RAB3IP: variants seen among roughly 807,000 people sequenced by gnomAD.
The protein encoded by RAB3IP is rab-3A-interacting protein.
Under a neutral mutation model 59.1 loss-of-function variants are expected in RAB3IP, and 36 were observed. That is an observed-to-expected ratio of 0.61 (90% CI 0.47 to 0.80). The LOEUF is 0.80. RAB3IP is among the 30% of genes least tolerant of loss of function. The probability of loss-of-function intolerance (pLI) is 0.00; values close to 1 mark genes in which losing one functional copy is unlikely to be tolerated. For missense variants in RAB3IP, 511 were observed against 536.0 expected (o/e 0.95, Z 0.46); for synonymous variants, 207 against 191.2 (o/e 1.08, Z -0.68).
At chr12:69,750,730 T>C (rs1205876077) in intron 1 of RAB3IP, among the ~76,000 whole-genome samples, 1 of 151,638 alleles carries the variant, frequency 6.6e-6, no homozygotes, top group Non-Finnish European at 1.5e-5. Flanking sequence ...GTCTTTCTTT[T>C]TTTTTTTTTT....
At chr12:69,798,831 G>T (rs1440315641) in intron 6 of RAB3IP, among the ~76,000 whole-genome samples, 1 of 152,112 alleles carries the variant, frequency 6.6e-6, no homozygotes, top group Non-Finnish European at 1.5e-5. Flanking sequence ...GGTCATTAGT[G>T]TGTGCTCATA....
intron 3 of RAB3IP, among the ~76,000 whole-genome samples, chr12:69,782,492 A>G (rs1484324929): frequency 1.3e-5 from 2 of 152,198 alleles, no homozygotes; most frequent in African/African-American, 4.8e-5. Context: ...TGGTTCCTTA[A>G]TAAGATATGA....
chr12:69,767,786 A>C (rs920343748), intron 3 of RAB3IP, among the ~76,000 whole-genome samples: 1 of 152,088 alleles, frequency 6.6e-6, no homozygotes, highest in Non-Finnish European at 1.5e-5. Context: ...CATGTGACAG[A>C]ACCTGCCTGC....
intron 3 of RAB3IP, among the ~76,000 whole-genome samples, chr12:69,766,194 T>C (rs1280615484): frequency 3.9e-5 from 6 of 152,234 alleles, no homozygotes; most frequent in African/African-American, 7.2e-5. Context: ...ATCTGGGTGT[T>C]TACCTTTCTA....
chr12:69,773,377 C>T (rs1239797325), intron 3 of RAB3IP, among the ~76,000 whole-genome samples: 5 of 141,678 alleles, frequency 3.5e-5, no homozygotes, highest in Admixed American at 7.1e-5. Flanking sequence ...TTTTTGGATA[C>T]GCCTTCTACC....
chr12:69,739,652 G>T (rs1350454497), intron 1 of RAB3IP: 5 of 618,060 alleles, frequency 8.1e-6, no homozygotes, highest in African/African-American at 3.7e-5. Flanking sequence ...GCCCGGAGTC[G>T]CGCCCAAGTA....
chr12:69,747,568 G>A (rs1868532667), intron 1 of RAB3IP, among the ~76,000 whole-genome samples: 1 of 152,138 alleles, frequency 6.6e-6, no homozygotes, highest in Admixed American at 6.5e-5. Context: ...GCCTTCCAAA[G>A]TTCTGAGATT....
intron 1 of RAB3IP, among the ~76,000 whole-genome samples, chr12:69,754,138 G>A (rs1869785604): frequency 6.6e-6 from 1 of 152,050 alleles, no homozygotes; most frequent in South Asian, 2.1e-4. Flanking sequence ...AGAAATTTAA[G>A]GCTTATAGAA....
intron 6 of RAB3IP, among the ~76,000 whole-genome samples, chr12:69,797,732 TCTC>T (rs1877727521): frequency 6.6e-6 from 1 of 151,542 alleles, no homozygotes; most frequent in Non-Finnish European, 1.5e-5. Flanking sequence ...GTCCATGTGT[TCTC>T]CTTGTTCAAT....
chr12:69,795,995 T>C (rs1877377917), intron 6 of RAB3IP: 1 of 152,198 alleles, frequency 6.6e-6, no homozygotes, highest in African/African-American at 2.4e-5. Context: ...CCATAACAAT[T>C]AAAAATTTAA....
chr12:69,763,512 A>T (rs973025611), intron 3 of RAB3IP, among the ~76,000 whole-genome samples: 1 of 152,152 alleles, frequency 6.6e-6, no homozygotes, highest in Non-Finnish European at 1.5e-5. Flanking sequence ...CTTTGATTGT[A>T]CTTTGTCTTC....
chr12:69,797,308 T>C (rs1253222217), intron 6 of RAB3IP, among the ~76,000 whole-genome samples: 3 of 152,220 alleles, frequency 2.0e-5, no homozygotes, highest in Non-Finnish European at 4.4e-5. Flanking sequence ...ATGGCAATCA[T>C]AATATCTGTC....
At chr12:69,764,833 G>A (rs909670994) in intron 3 of RAB3IP, among the ~76,000 whole-genome samples, 1 of 152,002 alleles carries the variant, frequency 6.6e-6, no homozygotes, top group Admixed American at 6.6e-5. Flanking sequence ...GTATTTTATA[G>A]TTCTCTTTGT....
chr12:69,782,478 T>G (rs1874903088), intron 3 of RAB3IP, among the ~76,000 whole-genome samples: 1 of 152,208 alleles, frequency 6.6e-6, no homozygotes, highest in Admixed American at 6.5e-5. Flanking sequence ...ATTGTTTTAA[T>G]TAGTGGTTCC....
intron 3 of RAB3IP, among the ~76,000 whole-genome samples, chr12:69,769,567 C>T (rs1318866335): frequency 6.6e-6 from 1 of 152,168 alleles, no homozygotes; most frequent in African/African-American, 2.4e-5. Flanking sequence ...TGCTGTTTTC[C>T]TTTTATGCCT....
chr12:69,762,464 TAAAAG>T (rs543089281), intron 3 of RAB3IP, among the ~76,000 whole-genome samples: 39 of 152,240 alleles, frequency 2.6e-4, no homozygotes, highest in Non-Finnish European at 4.4e-4. Context: ...TTATTTTTCT[TAAAAG>T]AAAATGAGCT....
At chr12:69,809,608 C>CT (rs1202542758) in intron 8 of RAB3IP, among the ~76,000 whole-genome samples, 1 of 152,114 alleles carries the variant, frequency 6.6e-6, no homozygotes, top group Admixed American at 6.5e-5. Context: ...TCTTTTTATT[C>CT]TTTTTTCTCT....
chr12:69,762,808 A>AGAAAAT lies in RAB3IP; in HGVS notation c.510+6150_510+6155dup, dbSNP rs1830115940. Among the ~76,000 whole-genome samples, 6 of 151,802 alleles carry AGAAAAT rather than the reference A, an allele frequency of 4.0e-5. No individual in the cohort carries two copies. The South Asian group carries it at 1.2e-3, about 31-fold the overall frequency. On this transcript the variant is annotated intron_variant, in intron 3 of 10. Coordinates refer to ENST00000247833, the MANE Select transcript of RAB3IP (RefSeq NM_022456.5). ...AAAAGAGAAAAAGAGAAAAAGAAAAAGAAAATGAAATGACTTAGAAAATAA... is the reference window on the plus strand; with the variant it reads ...AAAAGAGAAAAAGAGAAAAAGAAAAAGAAAATGAAAATGAAATGACTTAGAAAATAA...
chr12:69,743,220 A>G (rs1887518767), intron 1 of RAB3IP, among the ~76,000 whole-genome samples: 1 of 152,240 alleles, frequency 6.6e-6, no homozygotes. Context: ...GATAAAAGTA[A>G]TAGTATTGAA....
Sources: gnomAD v4.1 joint callset for allele counts (sites outside exome capture counted in the v4.1 genomes callset) on GRCh38, gnomAD v4.1.1 for gene constraint, MANE v1.5 for transcripts, NCBI Gene and HGNC (gene_info 2026-07-23, HGNC 2026-07-21) for gene names.